The following DNMT3B variants were observed in gnomAD, a reference collection of about 807,000 sequenced individuals.
The protein encoded by DNMT3B is DNA (cytosine-5)-methyltransferase 3B.
DNMT3B carries 37 observed loss-of-function variants against 120.2 expected under a neutral mutation model. That is an observed-to-expected ratio of 0.31 (90% CI 0.24 to 0.40). DNMT3B has a LOEUF of 0.40. Among genes scored for constraint, DNMT3B ranks in the 10% least tolerant of loss-of-function variants. The probability of loss-of-function intolerance (pLI) is 1.00; values close to 1 mark genes in which losing one functional copy is unlikely to be tolerated. For missense variants in DNMT3B, 878 were observed against 1,137.3 expected, an observed-to-expected ratio of 0.77 and a Z score of 3.28; for synonymous variants, 412 against 442.8, an observed-to-expected ratio of 0.93 and a Z score of 0.87.
At chr20:32,780,865 A>G (rs926855785) in intron 2 of DNMT3B, among the ~76,000 whole-genome samples, 1 of 152,184 alleles carries the variant, frequency 6.6e-6, no homozygotes, top group African/African-American at 2.4e-5. Flanking sequence ...AGCTCCAGCC[A>G]GCTCACTTGG....
At chr20:32,784,734 T>C in intron 3 of DNMT3B, 24 bp from the exon 4 acceptor site, 4 of 1,613,366 alleles carry the variant, frequency 2.5e-6, no homozygotes, top group South Asian at 1.1e-5. Context: ...GTCTTCATCA[T>C]GTTCATCATG....
At chr20:32,782,503 A>T (rs1978745981) in intron 3 of DNMT3B, among the ~76,000 whole-genome samples, 1 of 152,232 alleles carries the variant, frequency 6.6e-6, no homozygotes, top group Non-Finnish European at 1.5e-5. Context: ...CCAGAAGATG[A>T]TGTCTAATAG....
In DNMT3B at chr20:32,802,448, G is replaced by A; in HGVS notation, c.2209G>A (p.Gly737Ser). The stretch of plus-strand genomic sequence containing the variant: ...TGCTCACAGGGCCCGATACTTCTGG[G>A]GCAACCTACCCGGGATGAACAGGTA... Reference protein sequence around the residue: ...SAAHRARYFWGNLPGMNRPVI... With the variant: ...SAAHRARYFWSNLPGMNRPVI... Residue 737 changes from glycine to serine, a missense_variant, in exon 20 of 23, where the codon GGC becomes AGC. By Grantham distance (56) the Gly-to-Ser change is moderately conservative. Coordinates refer to ENST00000328111, the MANE Select transcript of DNMT3B (RefSeq NM_006892.4). 6.2e-7 allele frequency: 1 copy of A among 1,614,172 alleles called. No homozygotes were observed. Among genetic ancestry groups the A allele is most frequent in the Non-Finnish European group, 8.5e-7 (1 of 1,180,038 alleles).
At position 32,786,528 on chromosome 20, in the gene DNMT3B, C is replaced by T; in HGVS notation, c.333C>T (p.Val111=). The T allele has an allele frequency of 6.2e-7, 1 of 1,614,082 alleles. No homozygotes were observed. The highest frequency in any genetic ancestry group is 8.5e-7 in the Non-Finnish European group (1 of 1,180,050). Residue 111 remains valine (V), a synonymous_variant, in exon 5 of 23, where the codon GTC becomes GTT. Coordinates refer to ENST00000328111, the MANE Select transcript of DNMT3B (RefSeq NM_006892.4). ...PAVRTRNNNS[V]SSRERHRPSP... is the part of the protein sequence containing the mutation. The stretch of plus-strand genomic sequence containing the variant: ...TCCGAACTCGAAATAACAACAGTGT[C>T]TCCAGCCGGGAGAGGCACAGGCCTT...
intron 14 of DNMT3B, among the ~76,000 whole-genome samples, chr20:32,797,742 C>T (rs1980814826): frequency 6.6e-6 from 1 of 152,066 alleles, no homozygotes; most frequent in African/African-American, 2.4e-5. Context: ...TCACTGCAAC[C>T]TCTGCCTCCA....
intron 3 of DNMT3B, among the ~76,000 whole-genome samples, chr20:32,782,332 G>A (rs756084842): frequency 6.6e-6 from 1 of 152,208 alleles, no homozygotes; most frequent in Admixed American, 6.5e-5. Flanking sequence ...AGTAAGGGAT[G>A]GTTACATAGA....
chr20:32,800,946 C>G, intron 18 of DNMT3B, 21 bp downstream of exon 18: 1 of 1,613,228 alleles, frequency 6.2e-7, no homozygotes, highest in Non-Finnish European at 8.5e-7. Flanking sequence ...TTCTCTCTGG[C>G]AGTCCCTGGA....
intron 4 of DNMT3B, 142 bp from the exon 5 acceptor site, chr20:32,786,360 C>A: frequency 8.3e-7 from 1 of 1,204,152 alleles, no homozygotes; most frequent in Non-Finnish European, 1.2e-6. Context: ...CAGAGTCCCA[C>A]CTCATCACCT....
intron 12 of DNMT3B, among the ~76,000 whole-genome samples, chr20:32,796,160 T>TTTCC (rs1398039660): frequency 6.6e-6 from 1 of 152,174 alleles, no homozygotes; most frequent in Non-Finnish European, 1.5e-5. Context: ...TAACCCCTAG[T>TTTCC]TACTCAATGT....
In DNMT3B at chr20:32,801,371, A is replaced by T; in HGVS notation, c.2090A>T (p.Glu697Val). ...GDDRPFFWMF[E>V]NVVAMKVGDK... ...GACCGGCCGTTCTTCTGGATGTTTG[A>T]GAATGTTGTAGCCATGAAGGTTGGC... The change falls in exon 19 of 23, where the codon GAG becomes GTG. Residue 697 changes from glutamate to valine, a missense_variant. By Grantham distance (121) the Glu-to-Val change is moderately radical. This residue lies in a region of DNMT3B where 334 missense variants were observed against 518.8 expected (regional missense o/e 0.64). Transcript: ENST00000328111. 6.2e-7 allele frequency: 1 copy of T among 1,613,964 alleles called. No individual in the cohort carries two copies. Among genetic ancestry groups the T allele is most frequent in the Non-Finnish European group, 8.5e-7 (1 of 1,179,996 alleles).
In DNMT3B at chr20:32,774,508, C is replaced by CTTTTTT. The variant is rs386393640; in HGVS notation, c.-6-5793_-6-5788dup. ...ACAGACCTGAGCCACCGCGCCTGGC[C>CTTTTTT]TTTTTTTTTTTTTTTTTTTTTTAGA... On this transcript the variant is annotated intron_variant, in intron 1 of 22. Coordinates refer to ENST00000328111, the MANE Select transcript of DNMT3B (RefSeq NM_006892.4). Among the ~76,000 whole-genome samples the CTTTTTT allele has an allele frequency of 1.5e-4, 15 of 98,528 alleles. 1 individual carries two copies. Among genetic ancestry groups the CTTTTTT allele is most frequent in the African/African-American group, 4.0e-4 (10 of 25,130 alleles). The allele number at this position is 98,528 out of a possible 152,430, so 64.6% of individuals were successfully genotyped here.
At position 32,802,433 on chromosome 20, in the gene DNMT3B, G is replaced by C. The variant is rs758755934; in HGVS notation, c.2194G>C (p.Ala732Pro). 1 of 1,614,156 alleles carries C rather than the reference G, an allele frequency of 6.2e-7. No homozygotes were observed. The highest frequency in any genetic ancestry group is 1.1e-5 in the South Asian group (1 of 91,088). Reference protein sequence around the residue: ...DAIKVSAAHRARYFWGNLPGM... With the variant: ...DAIKVSAAHRPRYFWGNLPGM... ...CATCAAAGTTTCTGCTGCTCACAGGGCCCGATACTTCTGGGGCAACCTACC... is the reference window on the plus strand; with the variant it reads ...CATCAAAGTTTCTGCTGCTCACAGGCCCCGATACTTCTGGGGCAACCTACC... The change falls in exon 20 of 23, where the codon GCC becomes CCC. Residue 732 changes from alanine to proline, a missense_variant. Transcript: ENST00000328111.
intron 1 of DNMT3B, among the ~76,000 whole-genome samples, chr20:32,776,922 G>T (rs896531773): frequency 6.6e-6 from 1 of 150,868 alleles, no homozygotes; most frequent in Non-Finnish European, 1.5e-5. Flanking sequence ...GTCTTGGCCT[G>T]CGTGTAGACT....
At chr20:32,795,046 C>T (rs1458836292) in intron 10 of DNMT3B, among the ~76,000 whole-genome samples, 1 of 152,204 alleles carries the variant, frequency 6.6e-6, no homozygotes, top group Non-Finnish European at 1.5e-5. Context: ...ATTTCCTCAA[C>T]AGTTTCAAGT....
At chr20:32,772,080 C>G (rs1987780701) in intron 1 of DNMT3B, among the ~76,000 whole-genome samples, 1 of 152,118 alleles carries the variant, frequency 6.6e-6, no homozygotes, top group Non-Finnish European at 1.5e-5. Context: ...ACTCTTTGCC[C>G]CCTATTGTGG....
intron 6 of DNMT3B, 88 bp downstream of exon 6, chr20:32,787,539 C>A: frequency 1.4e-6 from 2 of 1,394,964 alleles, no homozygotes; most frequent in Non-Finnish European, 2.0e-6. Context: ...GGTAACAGAG[C>A]GACAACAGTT....
intron 1 of DNMT3B, among the ~76,000 whole-genome samples, chr20:32,762,904 C>A (rs1568812569): frequency 6.6e-6 from 1 of 151,890 alleles, no homozygotes; most frequent in Non-Finnish European, 1.5e-5. Context: ...GGAACGGGGA[C>A]AGCGGGTGGG....
chr20:32,805,881 C>T (rs757735129), intron 21 of DNMT3B, among the ~76,000 whole-genome samples: 6 of 152,140 alleles, frequency 3.9e-5, no homozygotes, highest in Non-Finnish European at 8.8e-5. Flanking sequence ...CTGGTGTCTT[C>T]TTGGCCCCCC....
intron 7 of DNMT3B, among the ~76,000 whole-genome samples, 156 bp downstream of exon 7, chr20:32,789,168 C>G (rs1244255328): frequency 6.6e-6 from 1 of 152,248 alleles, no homozygotes; most frequent in Admixed American, 6.5e-5. Context: ...TGTTAACCAG[C>G]TACAGCAGAT....
Sources: allele counts gnomAD v4.1 joint callset (sites outside exome capture counted in the v4.1 genomes callset), GRCh38; gene constraint gnomAD v4.1.1; regional missense constraint gnomAD v4.1.1; transcripts MANE v1.5; gene names NCBI Gene and HGNC (gene_info 2026-07-23, HGNC 2026-07-21).